The following NT5C2 variants were observed in gnomAD, a reference collection of about 807,000 sequenced individuals.
NT5C2 encodes cytosolic purine 5'-nucleotidase.
In NT5C2, 58 loss-of-function variants were observed where a neutral mutation model predicts 76.1. The observed-to-expected ratio is 0.76, with a 90% confidence interval of 0.62 to 0.95. The LOEUF is 0.95. Among genes scored for constraint, NT5C2 ranks in the 40% least tolerant of loss-of-function variants. NT5C2 has a pLI of 0.00. For synonymous variants in NT5C2, 229 were observed against 237.4 expected, an observed-to-expected ratio of 0.96 and a Z score of 0.32; for missense variants, 478 against 690.3, an observed-to-expected ratio of 0.69 and a Z score of 3.45.
intron 1 of NT5C2, among the ~76,000 whole-genome samples, chr10:103,187,562 A>C: frequency 6.6e-6 from 1 of 151,852 alleles, no homozygotes; most frequent in East Asian, 1.9e-4. Flanking sequence ...AAAAAAAAAA[A>C]AAAAAAAAAA....
chr10:103,128,327 C>A (rs1565094856), intron 4 of NT5C2, among the ~76,000 whole-genome samples: 1 of 148,834 alleles, frequency 6.7e-6, no homozygotes, highest in African/African-American at 2.5e-5. Context: ...CTCGGCCTCC[C>A]GAGGTGCCGG....
intron 11 of NT5C2, among the ~76,000 whole-genome samples, chr10:103,096,298 T>A (rs1262578653): frequency 2.0e-5 from 3 of 152,162 alleles, no homozygotes; most frequent in Non-Finnish European, 4.4e-5. Flanking sequence ...CACACAGAAA[T>A]AACCTATCAC....
At chr10:103,185,243 A>C (rs191897362) in intron 1 of NT5C2, among the ~76,000 whole-genome samples, 1 of 152,248 alleles carries the variant, frequency 6.6e-6, no homozygotes, top group African/African-American at 2.4e-5. Context: ...TAATTAACTG[A>C]GGTCTTCAAA....
chr10:103,124,656 A>C, intron 4 of NT5C2, among the ~76,000 whole-genome samples: 1 of 151,634 alleles, frequency 6.6e-6, no homozygotes, highest in Non-Finnish European at 1.5e-5. Context: ...CCCTCCCCCC[A>C]CCTTTTAAAA....
rs147223137 is a variant in NT5C2, at chr10:103,106,956, T to C, written c.176-250A>G. On this transcript the variant is annotated intron_variant, in intron 4 of 18. Transcript: ENST00000404739. ...AGCTGAATTATCAAATTATTCAGTA[T>C]AGTTCCTTCATTCTCAGGAAACCTA... is the stretch of plus-strand genomic sequence containing the variant. Among the ~76,000 whole-genome samples, 343 of 152,332 alleles carry C rather than the reference T, an allele frequency of 2.3e-3. 5 individuals are homozygous for C. The highest frequency in any genetic ancestry group is 7.8e-3 in the African/African-American group (325 of 41,568).
chr10:103,102,558 ACT>A (rs2070042317), intron 6 of NT5C2, among the ~76,000 whole-genome samples: 1 of 149,438 alleles, frequency 6.7e-6, no homozygotes, highest in African/African-American at 2.5e-5. Context: ...ACAGAGTCTC[ACT>A]CTGTCGGCCA....
chr10:103,153,241 T>C (rs2082705944), intron 3 of NT5C2: 4 of 1,216,494 alleles, frequency 3.3e-6, no homozygotes, highest in East Asian at 6.0e-5. Flanking sequence ...ATGCAGATGA[T>C]ACCTCTTCAC....
chr10:103,178,700 C>T (rs1038534661), intron 2 of NT5C2, among the ~76,000 whole-genome samples: 3 of 151,510 alleles, frequency 2.0e-5, no homozygotes, highest in Admixed American at 1.3e-4. Context: ...CATGGTGGCA[C>T]GCATCTGTAA....
At chr10:103,158,732 C>A (rs1354011597) in intron 3 of NT5C2, among the ~76,000 whole-genome samples, 3 of 151,208 alleles carry the variant, frequency 2.0e-5, no homozygotes, top group Non-Finnish European at 2.9e-5. Flanking sequence ...GCAGGAGAAT[C>A]GCTTTAACCC....
chr10:103,135,428 C>A (rs1039171170), intron 4 of NT5C2, among the ~76,000 whole-genome samples: 24 of 152,110 alleles, frequency 1.6e-4, no homozygotes, highest in Non-Finnish European at 3.1e-4. Context: ...ATGCCTTTCA[C>A]CTTCTGCCAT....
At chr10:103,148,336 C>T (rs1442420810) in intron 3 of NT5C2, among the ~76,000 whole-genome samples, 2 of 152,226 alleles carry the variant, frequency 1.3e-5, no homozygotes, top group African/African-American at 4.8e-5. Flanking sequence ...GGTGCGGTGG[C>T]TCACGCCTGT....
intron 4 of NT5C2, among the ~76,000 whole-genome samples, chr10:103,110,620 A>T (rs2072763562): frequency 6.6e-6 from 1 of 152,184 alleles, no homozygotes; most frequent in Non-Finnish European, 1.5e-5. Flanking sequence ...TGCTCTACTC[A>T]CAAGTGGGAA....
chr10:103,154,197 C>T (rs2082904839), intron 3 of NT5C2, among the ~76,000 whole-genome samples: 1 of 152,166 alleles, frequency 6.6e-6, no homozygotes, highest in Admixed American at 6.5e-5. Flanking sequence ...GATGGCAAAT[C>T]CTCCTCACGG....
intron 4 of NT5C2, among the ~76,000 whole-genome samples, chr10:103,132,225 A>G (rs1034914918): frequency 6.6e-6 from 1 of 151,706 alleles, no homozygotes; most frequent in Non-Finnish European, 1.5e-5. Flanking sequence ...GGGTAACAAG[A>G]GCAAAACTTC....
chr10:103,157,264 C>G (rs975817087), intron 3 of NT5C2, among the ~76,000 whole-genome samples: 2 of 151,876 alleles, frequency 1.3e-5, no homozygotes, highest in Non-Finnish European at 2.9e-5. Context: ...ATCCAAGGAA[C>G]TAAAAAACAC....
chr10:103,095,263 C>G (rs2067904753), intron 12 of NT5C2, among the ~76,000 whole-genome samples: 1 of 152,142 alleles, frequency 6.6e-6, no homozygotes, highest in South Asian at 2.1e-4. Flanking sequence ...TGAGTTATGC[C>G]CATTAAAATC....
intron 4 of NT5C2, among the ~76,000 whole-genome samples, chr10:103,122,695 C>G (rs1216622713): frequency 6.6e-6 from 1 of 152,154 alleles, no homozygotes; most frequent in Non-Finnish European, 1.5e-5. Flanking sequence ...CTCACCTTCC[C>G]CTAAAGCAGG....
chr10:103,133,671 G>C (rs1257552544), intron 4 of NT5C2, among the ~76,000 whole-genome samples: 1 of 152,202 alleles, frequency 6.6e-6, no homozygotes, highest in East Asian at 1.9e-4. Context: ...CTGCTGAAAA[G>C]ATATCCAAAA....
At chr10:103,102,293 C>T (rs2135127882) in intron 6 of NT5C2, among the ~76,000 whole-genome samples, 1 of 152,234 alleles carries the variant, frequency 6.6e-6, no homozygotes, top group East Asian at 1.9e-4. Flanking sequence ...TCTTGCAGCA[C>T]TTGGAACCAT....
Sources: gnomAD v4.1 joint callset for allele counts (sites outside exome capture counted in the v4.1 genomes callset) on GRCh38, gnomAD v4.1.1 for gene constraint, MANE v1.5 for transcripts, NCBI Gene and HGNC (gene_info 2026-07-23, HGNC 2026-07-21) for gene names.